Variants in DTNA observed in about 807,000 individuals in gnomAD.
DTNA encodes the protein dystrophin-related protein 3.
In DTNA, 43 loss-of-function variants were observed where a neutral mutation model predicts 100.7. The observed-to-expected ratio is 0.43, with a 90% CI of 0.33 to 0.55. The LOEUF (loss-of-function observed/expected upper bound fraction) is 0.55. Ranked by LOEUF, DTNA falls within the 20% of genes least tolerant of loss-of-function variation. DTNA has a pLI of 0.04. For missense variants in DTNA, 798 were observed against 953.9 expected (o/e 0.84, Z 2.15); for synonymous variants, 349 against 347.9 (o/e 1.00, Z -0.04).
chr18:34,501,344 A>G (rs2039900402), intron 1 of DTNA, among the ~76,000 whole-genome samples: 1 of 152,208 alleles, frequency 6.6e-6, no homozygotes, highest in Non-Finnish European at 1.5e-5. Flanking sequence ...AATTCTTTGT[A>G]TGAATTACTG....
chr18:34,641,416 A>AT (rs1343071741), intron 1 of DTNA, among the ~76,000 whole-genome samples: 2 of 152,330 alleles, frequency 1.3e-5, no homozygotes, highest in Admixed American at 1.3e-4. Context: ...AACTCTGAAT[A>AT]TTACAGACTT....
At chr18:34,648,158 A>G (rs2060061478) in intron 1 of DTNA, among the ~76,000 whole-genome samples, 1 of 152,216 alleles carries the variant, frequency 6.6e-6, no homozygotes, top group African/African-American at 2.4e-5. Context: ...GAAAACGGCC[A>G]GAGTTATAAG....
intron 13 of DTNA, among the ~76,000 whole-genome samples, chr18:34,839,941 T>C (rs902665106): frequency 6.6e-6 from 1 of 152,186 alleles, no homozygotes; most frequent in African/African-American, 2.4e-5. Flanking sequence ...CCATGCTCCT[T>C]GCCCTCACCA....
intron 1 of DTNA, among the ~76,000 whole-genome samples, chr18:34,598,076 C>G (rs1224543995): frequency 6.6e-6 from 1 of 152,112 alleles, no homozygotes; most frequent in Non-Finnish European, 1.5e-5. Flanking sequence ...TTCTAAACAT[C>G]ATTTTTTCTT....
chr18:34,859,824 TG>T (rs1032028671), intron 16 of DTNA, among the ~76,000 whole-genome samples: 2 of 152,150 alleles, frequency 1.3e-5, no homozygotes, highest in Non-Finnish European at 2.9e-5. Context: ...AAAAGAAATG[TG>T]GTTTCTCCTA....
intron 3 of DTNA, among the ~76,000 whole-genome samples, chr18:34,789,922 T>C (rs940125070): frequency 9.2e-5 from 14 of 152,204 alleles, no homozygotes; most frequent in Non-Finnish European, 1.9e-4. Context: ...TCAGCTGTCA[T>C]AGTAATCATC....
At chr18:34,692,258 T>A (rs1186890244) in intron 1 of DTNA, among the ~76,000 whole-genome samples, 1 of 152,228 alleles carries the variant, frequency 6.6e-6, no homozygotes, top group Non-Finnish European at 1.5e-5. Flanking sequence ...AGCTCCGTTC[T>A]GGGGAAGGAA....
intron 16 of DTNA, among the ~76,000 whole-genome samples, chr18:34,863,655 C>T (rs1396120472): frequency 1.3e-5 from 2 of 152,222 alleles, no homozygotes; most frequent in Non-Finnish European, 2.9e-5. Flanking sequence ...CCCCATAGCA[C>T]ATCACAGGGC....
intron 11 of DTNA, among the ~76,000 whole-genome samples, chr18:34,831,045 C>T (rs567216296): frequency 2.0e-5 from 3 of 152,188 alleles, no homozygotes; most frequent in Non-Finnish European, 2.9e-5. Flanking sequence ...CAGCTCTGTG[C>T]CTCTTAGGAT....
chr18:34,530,844 GT>G (rs1568599136), intron 1 of DTNA, among the ~76,000 whole-genome samples: 1 of 152,084 alleles, frequency 6.6e-6, no homozygotes, highest in Non-Finnish European at 1.5e-5. Flanking sequence ...AGCTGATAAA[GT>G]GTAAAACAAA....
intron 1 of DTNA, among the ~76,000 whole-genome samples, chr18:34,504,668 T>A (rs2040308954): frequency 6.6e-6 from 1 of 152,246 alleles, no homozygotes; most frequent in Non-Finnish European, 1.5e-5. Flanking sequence ...TTACTTCCTT[T>A]GGACTCTATG....
chr18:34,652,485 C>T (rs1383861152), intron 1 of DTNA, among the ~76,000 whole-genome samples: 1 of 152,170 alleles, frequency 6.6e-6, no homozygotes, highest in Admixed American at 6.5e-5. Flanking sequence ...TGTTCTTCCT[C>T]AAATTTTAGA....
chr18:34,889,047 C>A lies in DTNA; in HGVS notation c.*1313C>A. 2.0e-6 allele frequency: 2 copies of A among 985,726 alleles called. No individual in the cohort carries two copies. Among genetic ancestry groups the A allele is most frequent in the Non-Finnish European group, 2.4e-6 (2 of 829,900 alleles). 61.1% of individuals were successfully genotyped at this position (985,726 alleles called of 1,614,324 possible). ...AGACTGGGATAGTCTTTTCCAAGGA[C>A]CCTCTTTAGAGGGCCCTAAAGACCT... is the stretch of plus-strand genomic sequence containing the variant. On this transcript the variant is annotated 3_prime_UTR_variant, in exon 23 of 23. Transcript: ENST00000444659.
chr18:34,829,400 G>A lies in DTNA; in HGVS notation c.1086G>A (p.Arg362=), dbSNP rs1040760253. The A allele has an allele frequency of 6.5e-7, 1 of 1,535,120 alleles. No individual in the cohort carries two copies. Among genetic ancestry groups the A allele is most frequent in the African/African-American group, 1.4e-5 (1 of 73,100 alleles). The change falls in exon 11 of 23, where the codon AGG becomes AGA. Residue 362 remains arginine (R), a splice_region_variant and synonymous_variant. Coordinates refer to ENST00000444659, the MANE Select transcript of DTNA (RefSeq NM_001386795.1). ...PSSGSPFITR[R]LPEGISASSP... is the part of the protein sequence containing the mutation. Reference sequence around the variant, plus strand: ...AGGTCTCATTGTTTGACTCCCTCAGGTTACCTGAGGGAATAAGTGCATCCA... The same window carrying A: ...AGGTCTCATTGTTTGACTCCCTCAGATTACCTGAGGGAATAAGTGCATCCA...
chr18:34,512,268 G>T (rs1383730569), intron 1 of DTNA, among the ~76,000 whole-genome samples: 1 of 151,748 alleles, frequency 6.6e-6, no homozygotes, highest in Non-Finnish European at 1.5e-5. Context: ...TATATAGTTT[G>T]CCTTTTTAAC....
At chr18:34,563,810 A>G (rs1273560656) in intron 1 of DTNA, among the ~76,000 whole-genome samples, 1 of 152,182 alleles carries the variant, frequency 6.6e-6, no homozygotes, top group Admixed American at 6.5e-5. Flanking sequence ...GGCGGGGGAG[A>G]AATTCCCCTG....
At chr18:34,666,839 G>T (rs1424838791) in intron 1 of DTNA, among the ~76,000 whole-genome samples, 1 of 152,180 alleles carries the variant, frequency 6.6e-6, no homozygotes, top group South Asian at 2.1e-4. Flanking sequence ...GTGGTATAGT[G>T]TGAAGTCAGG....
chr18:34,765,129 C>G (rs996444726), intron 2 of DTNA, among the ~76,000 whole-genome samples: 1 of 152,142 alleles, frequency 6.6e-6, no homozygotes, highest in Non-Finnish European at 1.5e-5. Flanking sequence ...TGCAGACGAG[C>G]TTGGATTCTG....
chr18:34,528,045 T>C (rs1336370418), intron 1 of DTNA, among the ~76,000 whole-genome samples: 2 of 152,134 alleles, frequency 1.3e-5, no homozygotes, highest in Non-Finnish European at 1.5e-5. Flanking sequence ...TGATTTTTTA[T>C]TTAATTCTAT....
Sources: allele counts gnomAD v4.1 joint callset (sites outside exome capture counted in the v4.1 genomes callset), GRCh38; gene constraint gnomAD v4.1.1; transcripts MANE v1.5; gene names NCBI Gene and HGNC (gene_info 2026-07-23, HGNC 2026-07-21).